Variants in TIMP2 observed in about 807,000 individuals in gnomAD.
TIMP2 encodes the protein metalloproteinase inhibitor 2.
TIMP2 carries 5 observed loss-of-function variants against 24.3 expected under a neutral mutation model. The ratio of observed to expected loss-of-function variants is 0.21; its 90% CI spans 0.11 to 0.43. The LOEUF (loss-of-function observed/expected upper bound fraction) is 0.43, where lower values mean the gene tolerates loss of function less well. Among genes scored for constraint, TIMP2 ranks in the 20% least tolerant of loss-of-function variants. The probability of loss-of-function intolerance (pLI) is 1.00; values close to 1 mark genes in which losing one functional copy is unlikely to be tolerated. For synonymous variants in TIMP2, 130 were observed against 123.2 expected (o/e 1.06, Z -0.37); for missense variants, 221 against 297.5 (o/e 0.74, Z 1.89).
chr17:78,912,337 C>T (rs995687567), intron 1 of TIMP2, among the ~76,000 whole-genome samples: 2 of 152,190 alleles, frequency 1.3e-5, no homozygotes, highest in African/African-American at 4.8e-5. Flanking sequence ...AAAGCCTGCC[C>T]CACTGCCAGT....
intron 1 of TIMP2, among the ~76,000 whole-genome samples, chr17:78,921,628 T>C (rs1335795079): frequency 6.6e-6 from 1 of 152,224 alleles, no homozygotes; most frequent in African/African-American, 2.4e-5. Flanking sequence ...AGGATTTCAC[T>C]GGGTGAGAGG....
intron 1 of TIMP2, chr17:78,892,630 T>G: frequency 1.0e-6 from 1 of 984,850 alleles, no homozygotes; most frequent in Non-Finnish European, 1.5e-6. Flanking sequence ...TCCCAATTTC[T>G]GTCCTGTACA....
chr17:78,866,986 C>T (rs905131796), intron 3 of TIMP2, among the ~76,000 whole-genome samples: 14 of 152,276 alleles, frequency 9.2e-5, no homozygotes, highest in African/African-American at 1.2e-4. Flanking sequence ...GTAGGCCGGG[C>T]GCGGTGGCTC....
intron 2 of TIMP2, among the ~76,000 whole-genome samples, chr17:78,873,432 C>G (rs2145755510): frequency 6.6e-6 from 1 of 152,230 alleles, no homozygotes. Context: ...TCCCGAATAG[C>G]TGGGACCACA....
chr17:78,923,401 G>T lies in TIMP2; in HGVS notation c.130+1558C>A, dbSNP rs866530255. On this transcript the variant is annotated intron_variant, in intron 1 of 4. Transcript: ENST00000262768. ...AGTGTGTGTGTGGGGCGGGGTGGGG[G>T]GGGGGGCGGGAGGGGGAGGGGTCCC... is the stretch of plus-strand genomic sequence containing the variant. Among the ~76,000 whole-genome samples the T allele has an allele frequency of 2.2e-5, 3 of 137,252 alleles. 1 individual carries two copies. The South Asian group carries it at 8.4e-4, about 39-fold the overall frequency. 90.0% of individuals were successfully genotyped at this position (137,252 alleles called of 152,430 possible). A position where few individuals can be genotyped will look rare whatever the true frequency, so the allele number is the denominator to read the frequency against.
At chr17:78,903,988 C>G (rs544460083) in intron 1 of TIMP2, 2 of 151,574 alleles carry the variant, frequency 1.3e-5, no homozygotes, top group South Asian at 4.1e-4. Context: ...GTGGCGCAAT[C>G]TCGGCTCACT....
chr17:78,908,271 T>C (rs2070179040), intron 1 of TIMP2, among the ~76,000 whole-genome samples: 1 of 152,196 alleles, frequency 6.6e-6, no homozygotes, highest in Non-Finnish European at 1.5e-5. Flanking sequence ...AAGACGGAGA[T>C]GAATATCCTT....
chr17:78,890,454 C>G, intron 1 of TIMP2: 1 of 638,956 alleles, frequency 1.6e-6, no homozygotes, highest in Non-Finnish European at 2.5e-6. Context: ...CTGAGGCCGA[C>G]CTCGGCCTCC....
intron 1 of TIMP2, among the ~76,000 whole-genome samples, chr17:78,914,679 G>A (rs2070240596): frequency 6.6e-6 from 1 of 151,950 alleles, no homozygotes; most frequent in Non-Finnish European, 1.5e-5. Flanking sequence ...GGGCTCCAGT[G>A]ATCCTCTCAC....
intron 1 of TIMP2, chr17:78,892,216 T>C (rs1184230159): frequency 1.3e-6 from 2 of 1,551,022 alleles, no homozygotes; most frequent in Admixed American, 3.9e-5. Flanking sequence ...TGGCATCCGC[T>C]CTTCTCTGCA....
At chr17:78,890,489 C>T (rs973710526) in intron 1 of TIMP2, 95 of 910,306 alleles carry the variant, frequency 1.0e-4, no homozygotes, top group East Asian at 8.9e-4. Context: ...TACAGGCGTG[C>T]GCCACTGCAC....
intron 1 of TIMP2, among the ~76,000 whole-genome samples, chr17:78,900,333 G>C (rs115243328): frequency 6.6e-6 from 1 of 152,042 alleles, no homozygotes. Context: ...ATCACCTCAC[G>C]ACAGGAGTTC....
Position 78,924,858 on chromosome 17 carries a change from G to A in TIMP2, c.130+101C>T, listed in dbSNP as rs2070337220. The stretch of plus-strand genomic sequence containing the variant: ...GCCGAGGGACCAGGAGGCGGGCGCT[G>A]GGGTCCCTCGGCCAGCGGCGGGCGG... On this transcript the variant is annotated intron_variant, in intron 1 of 4. Coordinates refer to ENST00000262768, the MANE Select transcript of TIMP2 (RefSeq NM_003255.5). This position sits in a 1 kb window ranked among gnomAD's most constrained non-coding sequence, Gnocchi z 5.3. The A allele has an allele frequency of 1.3e-6, 1 of 747,190 alleles. No homozygotes were observed. Among genetic ancestry groups the A allele is most frequent in the Non-Finnish European group, 1.7e-6 (1 of 576,346 alleles). The allele number at this position is 747,190 out of a possible 1,614,324, so 46.3% of individuals were successfully genotyped here.
intron 1 of TIMP2, chr17:78,890,560 C>T: frequency 6.9e-7 from 1 of 1,445,036 alleles, no homozygotes. Context: ...GACGCAAACA[C>T]AGATCTTAGA....
At chr17:78,874,171 G>A (rs570495768) in intron 1 of TIMP2, 23 of 482,044 alleles carry the variant, frequency 4.8e-5, no homozygotes, top group African/African-American at 3.6e-4. Context: ...TTGTTGACAG[G>A]GGCCCAAGCC....
chr17:78,925,349 T>C lies in TIMP2; in HGVS notation c.-261A>G, dbSNP rs7503726. The C allele has an allele frequency of 0.64, 96,245 of 150,754 alleles. 31,103 individuals are homozygous for C. Among genetic ancestry groups the C allele is most frequent in the Middle Eastern group, 0.74 (212 of 288 alleles). 9.3% of individuals were successfully genotyped at this position (150,754 alleles called of 1,614,324 possible). On this transcript the variant is annotated 5_prime_UTR_variant, in exon 1 of 5. Coordinates refer to ENST00000262768, the MANE Select transcript of TIMP2 (RefSeq NM_003255.5). The stretch of plus-strand genomic sequence containing the variant: ...GGGCGGCGGGCGAGCGGCGCTGCGG[T>C]TCTCGGCGGCCGCGCTGCCTTCTAC...
At chr17:78,875,528 G>A (rs1233588946) in intron 1 of TIMP2, among the ~76,000 whole-genome samples, 2 of 152,168 alleles carry the variant, frequency 1.3e-5, no homozygotes, top group Admixed American at 1.3e-4. Flanking sequence ...GCAGGGTTGG[G>A]TAGAGCCCTC....
At position 78,924,202 on chromosome 17, in the gene TIMP2, C is replaced by T. The variant is rs1459156326; in HGVS notation, c.130+757G>A. Among the ~76,000 whole-genome samples, 1 of 152,230 alleles carries T rather than the reference C, an allele frequency of 6.6e-6. No homozygotes were observed. The highest frequency in any genetic ancestry group is 2.4e-5 in the African/African-American group (1 of 41,470). ...TTTTGGGGGCTAGGAGTCCGGAGGT[C>T]ATGGGTATTTGCTGGGGAATCTGAG... On this transcript the variant is annotated intron_variant, in intron 1 of 4. Coordinates refer to ENST00000262768, the MANE Select transcript of TIMP2 (RefSeq NM_003255.5). This position sits in a 1 kb window ranked among gnomAD's most constrained non-coding sequence, Gnocchi z 5.3.
rs1214320451 is a variant in TIMP2, at chr17:78,924,633, GC to G, written c.130+325del. Among the ~76,000 whole-genome samples, 3 of 145,990 alleles carry G rather than the reference GC, an allele frequency of 2.1e-5. No individual in the cohort carries two copies. Among genetic ancestry groups the G allele is most frequent in the Non-Finnish European group, 4.6e-5 (3 of 65,380 alleles). On this transcript the variant is annotated intron_variant, in intron 1 of 4. Transcript: ENST00000262768. The surrounding 1 kb of genome is among the most constrained non-coding windows in gnomAD (Gnocchi z 5.3). ...CCACGCCGTGTCCCCCACGCTCCCC[GC>G]CCCCAGCGCTGGCATCCCAGGGCGC...
Sources: gnomAD v4.1 joint callset for allele counts (sites outside exome capture counted in the v4.1 genomes callset) on GRCh38, gnomAD v4.1.1 for gene constraint, Gnocchi (gnomAD v3.1) non-coding constraint, MANE v1.5 for transcripts, NCBI Gene and HGNC (gene_info 2026-07-23, HGNC 2026-07-21) for gene names.